The following LRRIQ1 variants were observed in gnomAD, a reference collection of about 807,000 sequenced individuals.
LRRIQ1 encodes leucine-rich repeat- and IQ domain-containing protein 1.
A neutral mutation model predicts 211.9 loss-of-function variants in LRRIQ1; 210 were observed. The observed-to-expected ratio is 0.99, with a 90% confidence interval of 0.89 to 1.11. The LOEUF (loss-of-function observed/expected upper bound fraction) is 1.11. LRRIQ1 is among the 50% of genes most tolerant of loss of function. LRRIQ1 has a pLI of 0.00. For synonymous variants in LRRIQ1, 699 were observed against 650.1 expected (o/e 1.08, Z -1.14); for missense variants, 2,136 against 1,939.5 (o/e 1.10, Z -1.90).
At chr12:85,174,916 A>T (rs963804164) in intron 24 of LRRIQ1, among the ~76,000 whole-genome samples, 1 of 152,046 alleles carries the variant, frequency 6.6e-6, no homozygotes, top group Non-Finnish European at 1.5e-5. Context: ...AAAACCAAGG[A>T]CAATGAAACG....
chr12:85,105,053 G>A (rs1886669414), intron 14 of LRRIQ1, among the ~76,000 whole-genome samples: 1 of 151,810 alleles, frequency 6.6e-6, no homozygotes, highest in African/African-American at 2.4e-5. Context: ...CTCTTTTGTT[G>A]TGTCTATTCA....
chr12:85,066,861 GT>G lies in LRRIQ1; in HGVS notation c.2659del (p.Cys887ValfsTer79). 1 of 1,563,402 alleles carries G rather than the reference GT, an allele frequency of 6.4e-7. No individual in the cohort carries two copies. The highest frequency in any genetic ancestry group is 1.4e-5 in the African/African-American group (1 of 73,394). On this transcript the variant is annotated frameshift_variant, in exon 10 of 27. Coordinates refer to ENST00000393217, the MANE Select transcript of LRRIQ1 (RefSeq NM_001079910.2). LOFTEE classifies it high-confidence loss of function. The part of the protein sequence containing the change: ...HGLDGCTNIQ[C>X]LELSYNKITR... ...GTTTGGATGGCTGTACTAATATTCA[GT>G]GTCTTGAACTTTCATATAATAAAAT...
chr12:85,198,859 C>T (rs928937931), intron 24 of LRRIQ1, among the ~76,000 whole-genome samples: 3 of 151,932 alleles, frequency 2.0e-5, no homozygotes. Flanking sequence ...TGAGACACCG[C>T]ACCCGGCCGA....
intron 24 of LRRIQ1, among the ~76,000 whole-genome samples, chr12:85,227,279 C>CT (rs754130726): frequency 8.6e-5 from 13 of 151,432 alleles, no homozygotes; most frequent in Admixed American, 1.3e-4. Flanking sequence ...ATTTGCATTT[C>CT]TTTTTTTTTA....
chr12:85,238,269 G>A (rs1312610206), intron 26 of LRRIQ1, among the ~76,000 whole-genome samples: 1 of 151,960 alleles, frequency 6.6e-6, no homozygotes, highest in Non-Finnish European at 1.5e-5. Context: ...TGCTCTGTCA[G>A]ATAATAGCAA....
the LRRIQ1 span, among the ~76,000 whole-genome samples, chr12:85,270,050 T>A: frequency 2.8e-4 from 42 of 151,992 alleles, no homozygotes; most frequent in African/African-American, 1.0e-3. Context: ...GACCCCACCT[T>A]CATGACCTAA....
In LRRIQ1 at chr12:85,125,986, T is replaced by G. The variant is rs370045319; in HGVS notation, c.4007+1467T>G. The stretch of plus-strand genomic sequence containing the variant: ...TTCAGGAGATTCACTGCCAATTGTA[T>G]AAGAGTTTCCTAAGAATTATTTGCA... On this transcript the variant is annotated intron_variant, in intron 17 of 26. Coordinates refer to ENST00000393217, the MANE Select transcript of LRRIQ1 (RefSeq NM_001079910.2). Among the ~76,000 whole-genome samples, 3 of 152,164 alleles carry G rather than the reference T, an allele frequency of 2.0e-5. No individual in the cohort carries two copies. The East Asian group carries it at 5.8e-4, about 29-fold the overall frequency.
intron 6 of LRRIQ1, among the ~76,000 whole-genome samples, chr12:85,050,276 T>A (rs1880149809): frequency 6.6e-6 from 1 of 152,192 alleles, no homozygotes; most frequent in African/African-American, 2.4e-5. Context: ...TCTTACTCCA[T>A]ATACCTCCAC....
chr12:85,193,057 TA>T (rs1271429490), intron 24 of LRRIQ1, among the ~76,000 whole-genome samples: 1 of 101,232 alleles, frequency 9.9e-6, no homozygotes, highest in Non-Finnish European at 1.8e-5. Context: ...AAATATAATA[TA>T]AATATTATAT....
At position 85,244,872 on chromosome 12, in the gene LRRIQ1, A is replaced by C; in HGVS notation, c.5100A>C (p.Lys1700Asn). The C allele has an allele frequency of 6.2e-7, 1 of 1,611,792 alleles. No homozygotes were observed. ...NGSALSVNREKKNQAHRHSAG... is the reference protein window; with the variant it reads ...NGSALSVNRENKNQAHRHSAG... ...GTGCTTTGTCTGTGAACAGAGAAAA[A>C]AAAAATCAGGCACACAGACACTCAG... Residue 1700 changes from lysine to asparagine, a missense_variant, in exon 27 of 27, where the codon AAA becomes AAC. Lys to Asn is a moderately conservative substitution (Grantham distance 94). Coordinates refer to ENST00000393217, the MANE Select transcript of LRRIQ1 (RefSeq NM_001079910.2).
At chr12:85,105,793 TCTA>T (rs944399280) in intron 14 of LRRIQ1, among the ~76,000 whole-genome samples, 2 of 83,884 alleles carry the variant, frequency 2.4e-5, no homozygotes, top group Admixed American at 2.0e-4. Flanking sequence ...TTTCTTTCTT[TCTA>T]TTTTTTTTTT....
chr12:85,080,382 T>G (rs973723195), intron 11 of LRRIQ1, among the ~76,000 whole-genome samples: 6 of 151,746 alleles, frequency 4.0e-5, no homozygotes, highest in African/African-American at 1.4e-4. Context: ...TTAACAGATA[T>G]AATTATTATA....
At chr12:85,094,998 T>C (rs1212740592) in intron 11 of LRRIQ1, among the ~76,000 whole-genome samples, 1 of 152,188 alleles carries the variant, frequency 6.6e-6, no homozygotes, top group Non-Finnish European at 1.5e-5. Context: ...AAGTCATTTA[T>C]CAAATCGAGG....
At chr12:85,089,200 A>G (rs1403806465) in intron 11 of LRRIQ1, among the ~76,000 whole-genome samples, 5 of 152,164 alleles carry the variant, frequency 3.3e-5, no homozygotes, top group Non-Finnish European at 7.3e-5. Context: ...TGAGATAATC[A>G]TGTGGTTTTT....
chr12:85,204,416 C>T (rs758843210), intron 24 of LRRIQ1, among the ~76,000 whole-genome samples: 6 of 152,178 alleles, frequency 3.9e-5, no homozygotes, highest in Non-Finnish European at 7.3e-5. Context: ...ATCCTCCAGA[C>T]CCCAAAATGG....
chr12:85,219,570 A>G (rs935376726), intron 24 of LRRIQ1, among the ~76,000 whole-genome samples: 1 of 152,116 alleles, frequency 6.6e-6, no homozygotes, highest in Non-Finnish European at 1.5e-5. Context: ...AGAAACTAGC[A>G]CATAACTTTT....
At chr12:85,182,393 G>A (rs945148881) in intron 24 of LRRIQ1, among the ~76,000 whole-genome samples, 1 of 152,012 alleles carries the variant, frequency 6.6e-6, no homozygotes, top group Non-Finnish European at 1.5e-5. Flanking sequence ...TTTTTGTTTG[G>A]CTATTAACTA....
At chr12:85,212,785 TATAGAGAGAGAG>T (rs1378426170) in intron 24 of LRRIQ1, among the ~76,000 whole-genome samples, 1 of 148,438 alleles carries the variant, frequency 6.7e-6, no homozygotes, top group Non-Finnish European at 1.5e-5. Context: ...TTTATATATA[TATAGAGAGAGAG>T]AGAAAGAGAG....
intron 24 of LRRIQ1, among the ~76,000 whole-genome samples, chr12:85,192,122 A>G (rs2136943817): frequency 6.6e-6 from 1 of 151,700 alleles, no homozygotes; most frequent in East Asian, 1.9e-4. Context: ...ATAGTATCTG[A>G]TAAGTATTAC....
Sources: gnomAD v4.1 joint callset for allele counts (sites outside exome capture counted in the v4.1 genomes callset) on GRCh38, gnomAD v4.1.1 for gene constraint, MANE v1.5 for transcripts, NCBI Gene and HGNC (gene_info 2026-07-23, HGNC 2026-07-21) for gene names.